Variants in CERKL observed in about 807,000 individuals in gnomAD.
The protein encoded by CERKL is ceramide kinase-like protein.
Under a neutral mutation model 63.4 loss-of-function variants are expected in CERKL, and 61 were observed. That is an observed-to-expected ratio of 0.96 (90% CI 0.78 to 1.19). CERKL has a LOEUF of 1.19. CERKL is among the 50% of genes most tolerant of loss of function. The pLI, the probability that CERKL is intolerant of heterozygous loss-of-function variation, is 0.00. For missense variants in CERKL, 675 were observed against 655.5 expected (o/e 1.03, Z -0.33); for synonymous variants, 250 against 230.5 (o/e 1.08, Z -0.77).
intron 4 of CERKL, among the ~76,000 whole-genome samples, chr2:181,564,633 A>G (rs2105830603): frequency 6.6e-6 from 1 of 152,330 alleles, no homozygotes; most frequent in Non-Finnish European, 1.5e-5. Context: ...ACATATTGAT[A>G]GATACTGCAT....
intron 4 of CERKL, chr2:181,565,574 G>C: frequency 8.5e-7 from 1 of 1,172,776 alleles, no homozygotes; most frequent in Non-Finnish European, 1.3e-6. Flanking sequence ...ATTTCTTATT[G>C]TTTCTGGAAA....
chr2:181,652,763 G>A (rs1202286660), intron 1 of CERKL, among the ~76,000 whole-genome samples: 1 of 139,478 alleles, frequency 7.2e-6, no homozygotes, highest in South Asian at 2.5e-4. Flanking sequence ...TAATTCAACA[G>A]ATAAAATAAT....
At chr2:181,644,545 G>A (rs772192126) in intron 1 of CERKL, among the ~76,000 whole-genome samples, 9 of 152,144 alleles carry the variant, frequency 5.9e-5, no homozygotes, top group Non-Finnish European at 1.0e-4. Flanking sequence ...ATCTATTTAA[G>A]CCCTGCTCAG....
chr2:181,592,325 A>G (rs568843579), intron 2 of CERKL, among the ~76,000 whole-genome samples: 1 of 152,330 alleles, frequency 6.6e-6, no homozygotes, highest in African/African-American at 2.4e-5. Flanking sequence ...TGTTAGCAAC[A>G]TGAGAATGGT....
intron 1 of CERKL, among the ~76,000 whole-genome samples, chr2:181,629,246 A>G (rs73041301): frequency 0.14 from 21,297 of 152,160 alleles, 1,996 homozygotes; most frequent in African/African-American, 0.26. Flanking sequence ...GTAATCACTT[A>G]TGATCAAGAA....
At chr2:181,633,239 G>A (rs964613305) in intron 1 of CERKL, among the ~76,000 whole-genome samples, 1 of 152,180 alleles carries the variant, frequency 6.6e-6, no homozygotes, top group Non-Finnish European at 1.5e-5. Context: ...GGGGACAGAA[G>A]GTTGTCCTAA....
At chr2:181,561,177 G>A (rs1350917556) in intron 4 of CERKL, among the ~76,000 whole-genome samples, 1 of 152,106 alleles carries the variant, frequency 6.6e-6, no homozygotes, top group East Asian at 1.9e-4. Context: ...ACTTTGGGAG[G>A]CCAAGGGTGG....
chr2:181,579,501 CA>C (rs1684408553), intron 2 of CERKL, among the ~76,000 whole-genome samples: 2 of 151,856 alleles, frequency 1.3e-5, no homozygotes, highest in African/African-American at 2.4e-5. Flanking sequence ...GTACTTTACA[CA>C]GTAAGAAAAC....
intron 1 of CERKL, among the ~76,000 whole-genome samples, chr2:181,641,943 C>A (rs1380717606): frequency 1.3e-5 from 2 of 152,058 alleles, no homozygotes; most frequent in Non-Finnish European, 2.9e-5. Context: ...TTCTGTGAGA[C>A]CCAACCTACC....
intron 1 of CERKL, among the ~76,000 whole-genome samples, chr2:181,612,483 C>T (rs1326603718): frequency 6.6e-6 from 1 of 152,120 alleles, no homozygotes; most frequent in African/African-American, 2.4e-5. Flanking sequence ...TCTAGAACTT[C>T]ATATAAATGT....
chr2:181,630,297 T>A (rs186998549), intron 1 of CERKL, among the ~76,000 whole-genome samples: 1 of 151,994 alleles, frequency 6.6e-6, no homozygotes, highest in African/African-American at 2.4e-5. Context: ...CTACCTTCCC[T>A]GGCCTCCCAA....
At chr2:181,596,006 T>C (rs766903915) in intron 2 of CERKL, among the ~76,000 whole-genome samples, 5 of 152,206 alleles carry the variant, frequency 3.3e-5, no homozygotes, top group Non-Finnish European at 7.4e-5. Flanking sequence ...TGTTAACTTA[T>C]TTAACAGCAT....
rs78004150 is a variant in CERKL, at chr2:181,614,220, C to G, written c.239-10141G>C. On this transcript the variant is annotated intron_variant, in intron 1 of 12. Transcript: ENST00000410087. ...AGGTGAAAAGCCCTCCAGCTAACTT[C>G]AGTGAAGGTTGAAGGTTCAAGGTTC... is the stretch of plus-strand genomic sequence containing the variant. Among the ~76,000 whole-genome samples, 480 of 152,298 alleles carry G rather than the reference C, an allele frequency of 3.2e-3. 4 individuals carry two copies. Among genetic ancestry groups the G allele is most frequent in the African/African-American group, 0.011 (459 of 41,550 alleles).
At chr2:181,548,409 AAG>A (rs1687829787) in intron 8 of CERKL, 134 bp downstream of exon 8, 2 of 723,608 alleles carry the variant, frequency 2.8e-6, no homozygotes, top group Non-Finnish European at 4.8e-6. Context: ...TAGGACCTGT[AAG>A]AGTCTGTGAT....
At chr2:181,642,092 C>G (rs1195350731) in intron 1 of CERKL, among the ~76,000 whole-genome samples, 2 of 152,156 alleles carry the variant, frequency 1.3e-5, no homozygotes, top group East Asian at 3.8e-4. Context: ...TAAAAATTTC[C>G]TCAAATTTGA....
intron 1 of CERKL, among the ~76,000 whole-genome samples, chr2:181,620,719 G>A (rs569071313): frequency 1.9e-3 from 284 of 152,276 alleles, no homozygotes; most frequent in Non-Finnish European, 2.8e-3. Flanking sequence ...CTACCTTCCT[G>A]ATGCCAGCAA....
chr2:181,544,623 C>T (rs181846399), intron 11 of CERKL, 77 bp downstream of exon 11: 12 of 794,696 alleles, frequency 1.5e-5, no homozygotes, highest in East Asian at 2.6e-5. Flanking sequence ...AGGCAGGATT[C>T]GATGTCAATT....
At position 181,573,753 on chromosome 2, in the gene CERKL, T is replaced by A. The variant is rs781442139; in HGVS notation, c.613A>T (p.Ile205Leu). ...AAATTATATTCTGAAAATTACTTAC[T>A]TGTTACATCAGTTTTTATTCCTGCA... is the stretch of plus-strand genomic sequence containing the variant. The part of the protein sequence containing the change: ...KLAGIKTDVT[I>L]MEYEGHALSL... The change falls in exon 3 of 13, where the codon ATA (isoleucine) becomes TTA (leucine). Residue 205 changes from isoleucine (I) to leucine (L), a missense_variant and splice_region_variant. Coordinates refer to ENST00000410087, the MANE Select transcript of CERKL (RefSeq NM_201548.5). 3.6e-5 allele frequency: 58 copies of A among 1,611,600 alleles called. No individual in the cohort carries two copies. Among genetic ancestry groups the A allele is most frequent in the Non-Finnish European group, 4.8e-5 (56 of 1,178,392 alleles).
chr2:181,619,764 T>C (rs1438564444), intron 1 of CERKL, among the ~76,000 whole-genome samples: 1 of 152,174 alleles, frequency 6.6e-6, no homozygotes, highest in Non-Finnish European at 1.5e-5. Flanking sequence ...TCAGTCCCTC[T>C]GAGCTCTTAG....
Sources: gnomAD v4.1 joint callset for allele counts (sites outside exome capture counted in the v4.1 genomes callset) on GRCh38, gnomAD v4.1.1 for gene constraint, MANE v1.5 for transcripts, NCBI Gene and HGNC (gene_info 2026-07-23, HGNC 2026-07-21) for gene names.